ABL2: variants seen among roughly 807,000 people sequenced by gnomAD.
ABL2 encodes ABL proto-oncogene 2, non-receptor tyrosine kinase, also known as tyrosine-protein kinase ABL2.
ABL2 carries 49 observed loss-of-function variants against 107.7 expected under a neutral mutation model. The observed-to-expected ratio is 0.45, with a 90% CI of 0.36 to 0.58. The LOEUF (loss-of-function observed/expected upper bound fraction) is 0.58, where lower values mean the gene tolerates loss of function less well. Ranked by LOEUF, ABL2 falls within the 20% of genes least tolerant of loss-of-function variation. The probability of loss-of-function intolerance (pLI) is 0.00; values close to 1 mark genes in which losing one functional copy is unlikely to be tolerated. For missense variants in ABL2, 1,245 were observed against 1,457.0 expected (o/e 0.85, Z 2.37); for synonymous variants, 549 against 548.6 (o/e 1.00, Z -0.01).
At chr1:179,228,917 T>C (rs1256911710) in intron 1 of ABL2, among the ~76,000 whole-genome samples, 1 of 152,128 alleles carries the variant, frequency 6.6e-6, no homozygotes, top group African/African-American at 2.4e-5. Context: ...CTGCCCTTCA[T>C]CCTTCCCTCT....
At chr1:179,145,861 G>A (rs1024255516) in intron 1 of ABL2, among the ~76,000 whole-genome samples, 7 of 151,062 alleles carry the variant, frequency 4.6e-5, no homozygotes, top group Non-Finnish European at 1.5e-5. Flanking sequence ...CCAGTGAACA[G>A]TTTTAAGCAG....
intron 1 of ABL2, among the ~76,000 whole-genome samples, chr1:179,202,113 G>A (rs2816208): frequency 0.35 from 52,179 of 151,190 alleles, 9,384 homozygotes; most frequent in East Asian, 0.48. Context: ...AATAATCTCA[G>A]CACACTGGGA....
chr1:179,115,612 C>T (rs372582769), intron 8 of ABL2, among the ~76,000 whole-genome samples: 93 of 152,188 alleles, frequency 6.1e-4, no homozygotes, highest in South Asian at 5.8e-3. Flanking sequence ...GAAGACCTCT[C>T]GGTTATCAGA....
In ABL2 at chr1:179,118,727, A is replaced by C. The variant is rs150181582; in HGVS notation, c.1083T>G (p.Thr361=). 5.6e-5 allele frequency: 91 copies of C among 1,614,172 alleles called. No individual in the cohort carries two copies. The African/African-American group carries it at 1.0e-3, about 18-fold the overall frequency. Residue 361 remains threonine, a synonymous_variant, in exon 7 of 12, where the codon ACT becomes ACG. Coordinates refer to ENST00000502732, the MANE Select transcript of ABL2 (RefSeq NM_007314.4). ...GCAAATTCCCGTATGGCATGTATTC[A>C]GTCACAATGTAAAATGGTGGCTCCA... The part of the protein sequence containing the change: ...CTLEPPFYIV[T]EYMPYGNLLD...
chr1:179,110,676 T>A (rs1653967485), intron 10 of ABL2: 1 of 1,572,088 alleles, frequency 6.4e-7, no homozygotes, highest in African/African-American at 1.3e-5. Flanking sequence ...TTCTCATTGC[T>A]GTGTAGCATG....
At chr1:179,147,653 A>G (rs1005982557) in intron 1 of ABL2, among the ~76,000 whole-genome samples, 9 of 152,170 alleles carry the variant, frequency 5.9e-5, no homozygotes, top group African/African-American at 1.7e-4. Context: ...TGTAAGCGGG[A>G]GCTAAACAAT....
At chr1:179,159,372 G>A (rs1571220795) in intron 1 of ABL2, among the ~76,000 whole-genome samples, 1 of 152,196 alleles carries the variant, frequency 6.6e-6, no homozygotes, top group African/African-American at 2.4e-5. Context: ...ACAGCTTGCT[G>A]GTGAAGGAAT....
chr1:179,198,813 A>T (rs1661488874), intron 1 of ABL2, among the ~76,000 whole-genome samples: 1 of 150,080 alleles, frequency 6.7e-6, no homozygotes, highest in Admixed American at 6.7e-5. Flanking sequence ...CTAATAGGGT[A>T]TCATGTCTAT....
Position 179,101,389 on chromosome 1 carries a change from T to TC in ABL2, c.*6328_*6329insG, listed in dbSNP as rs927300434. 62 of 185,660 alleles carry TC rather than the reference T, an allele frequency of 3.3e-4. No individual in the cohort carries two copies. Among genetic ancestry groups the TC allele is most frequent in the Middle Eastern group, 2.0e-3 (1 of 496 alleles). The allele number at this position is 185,660 out of a possible 1,614,324, so 11.5% of individuals were successfully genotyped here. On this transcript the variant is annotated 3_prime_UTR_variant, in exon 12 of 12. Coordinates refer to ENST00000502732, the MANE Select transcript of ABL2 (RefSeq NM_007314.4). ...AAATGAAGGTATCCTTTTTTTTTTT[T>TC]TTCTTCTTAACGTGTCTCACTCTGT...
In ABL2 at chr1:179,198,565, C is replaced by T. The variant is rs187583494; in HGVS notation, c.157+30676G>A. On this transcript the variant is annotated intron_variant, in intron 1 of 11. Transcript: ENST00000502732. ...AAAAGTAGCCAGGCGTGGTGTCAGG[C>T]ACCTGTAATCCCAGCTACCCAGGAG... is the stretch of plus-strand genomic sequence containing the variant. 2.6e-3 allele frequency among the ~76,000 whole-genome samples: 392 copies of T among 151,190 alleles called. 2 individuals carry two copies. Among genetic ancestry groups the T allele is most frequent in the African/African-American group, 8.9e-3 (365 of 41,232 alleles).
At chr1:179,192,256 G>A (rs1263133034) in intron 1 of ABL2, among the ~76,000 whole-genome samples, 1 of 152,008 alleles carries the variant, frequency 6.6e-6, no homozygotes, top group African/African-American at 2.4e-5. Flanking sequence ...CTATCCAAAT[G>A]CACAACTACT....
At chr1:179,209,789 GATTCAGAGAA>G (rs1662164495) in intron 1 of ABL2, among the ~76,000 whole-genome samples, 1 of 152,196 alleles carries the variant, frequency 6.6e-6, no homozygotes, top group Non-Finnish European at 1.5e-5. Flanking sequence ...ACCAGCAGGA[GATTCAGAGAA>G]ATTCAGAGAT....
At chr1:179,174,920 A>AAAAAAAAT (rs1659958398) in intron 1 of ABL2, among the ~76,000 whole-genome samples, 8 of 122,878 alleles carry the variant, frequency 6.5e-5, no homozygotes, top group Non-Finnish European at 1.2e-4. Context: ...AAAATAAAAA[A>AAAAAAAAT]AATAATAATA....
chr1:179,136,770 G>C (rs1202837369), intron 1 of ABL2, among the ~76,000 whole-genome samples: 1 of 150,410 alleles, frequency 6.6e-6, no homozygotes, highest in Non-Finnish European at 1.5e-5. Flanking sequence ...ACAAAAATTA[G>C]CCAGGCATGG....
intron 10 of ABL2, among the ~76,000 whole-genome samples, chr1:179,111,386 A>C (rs1405871008): frequency 6.7e-6 from 1 of 149,654 alleles, no homozygotes; most frequent in South Asian, 2.1e-4. Flanking sequence ...CCCGGGTTCA[A>C]GTGATTCTCC....
chr1:179,224,267 T>C (rs114015795), intron 1 of ABL2, among the ~76,000 whole-genome samples: 2,639 of 152,080 alleles, frequency 0.017, 31 homozygotes, highest in Middle Eastern at 0.065. Context: ...TAAGGGTTTT[T>C]GTTTGTTGGT....
chr1:179,155,484 C>T (rs1210481911), intron 1 of ABL2, among the ~76,000 whole-genome samples: 1 of 152,080 alleles, frequency 6.6e-6, no homozygotes, highest in Admixed American at 6.5e-5. Context: ...AATCCCAGCA[C>T]TTTGGGAGGC....
At chr1:179,169,922 G>A (rs189241189) in intron 1 of ABL2, among the ~76,000 whole-genome samples, 474 of 152,104 alleles carry the variant, frequency 3.1e-3, no homozygotes, top group Non-Finnish European at 5.9e-3. Context: ...CCAGCTACTC[G>A]GGAGGCTGAA....
chr1:179,115,011 C>T lies in ABL2; in HGVS notation c.1428G>A (p.Trp476Ter). 6.2e-7 allele frequency: 1 copy of T among 1,607,650 alleles called. No individual in the cohort carries two copies. Among genetic ancestry groups the T allele is most frequent in the Non-Finnish European group, 8.5e-7 (1 of 1,177,486 alleles). The stretch of plus-strand genomic sequence containing the variant: ...GTGACATTCCATAGGTAGCAATTTC[C>T]CACAACAATACCCCAAAAGCTGCAT... Reference protein sequence around the residue: ...SDVWAFGVLLWEIATYGMSPY... With the variant: ...SDVWAFGVLL Residue 476 changes from tryptophan to a stop codon, truncating the protein, a stop_gained, in exon 9 of 12, where the codon TGG becomes TGA. Transcript: ENST00000502732. LOFTEE classifies it high-confidence loss of function.
Sources: allele counts gnomAD v4.1 joint callset (sites outside exome capture counted in the v4.1 genomes callset), GRCh38; gene constraint gnomAD v4.1.1; transcripts MANE v1.5; gene names NCBI Gene and HGNC (gene_info 2026-07-23, HGNC 2026-07-21).